Variants in PARL observed in about 807,000 individuals in gnomAD.
The protein encoded by PARL is presenilin associated rhomboid like.
Under a neutral mutation model 51.6 loss-of-function variants are expected in PARL, and 44 were observed. The observed-to-expected ratio is 0.85, with a 90% CI of 0.67 to 1.10. The LOEUF is 1.10. Among genes scored for constraint, PARL ranks in the 50% least tolerant of loss-of-function variants. The pLI, the probability that PARL is intolerant of heterozygous loss-of-function variation, is 0.00. For synonymous variants in PARL, 172 were observed against 164.0 expected (o/e 1.05, Z -0.37); for missense variants, 441 against 469.5 (o/e 0.94, Z 0.56).
rs1342898958 is a variant in PARL at position 183,882,414 on chromosome 3, TATAG to T, written c.125+2304_125+2307del. Reference sequence around the variant, plus strand: ...ATATGCACATATACACACACATATATATAGAGAGAGAGAGAGAGAGAAAGAGAGA... The same window carrying T: ...ATATGCACATATACACACACATATATAGAGAGAGAGAGAGAGAAAGAGAGA... On this transcript the variant is annotated intron_variant, in intron 1 of 9. Coordinates refer to ENST00000317096, the MANE Select transcript of PARL (RefSeq NM_018622.7). Among the ~76,000 whole-genome samples, 83 of 137,196 alleles carry T rather than the reference TATAG, an allele frequency of 6.0e-4. 1 individual carries two copies. Among genetic ancestry groups the T allele is most frequent in the African/African-American group, 1.4e-3 (53 of 36,750 alleles). The allele number at this position is 137,196 out of a possible 152,430, so 90.0% of individuals were successfully genotyped here.
intron 8 of PARL, 38 bp downstream of exon 8, chr3:183,833,686 C>T (rs377239187): frequency 1.2e-5 from 18 of 1,464,158 alleles, no homozygotes; most frequent in Non-Finnish European, 1.7e-5. Flanking sequence ...AAAAACATCA[C>T]CACTATCCCC....
chr3:183,837,000 C>T (rs912797255), intron 7 of PARL, among the ~76,000 whole-genome samples: 3 of 152,204 alleles, frequency 2.0e-5, no homozygotes, highest in African/African-American at 4.8e-5. Flanking sequence ...CTCGGCCTCC[C>T]AAAGTGCTGG....
At chr3:183,837,386 A>G (rs1258398634) in intron 7 of PARL, among the ~76,000 whole-genome samples, 4 of 152,208 alleles carry the variant, frequency 2.6e-5, no homozygotes, top group Admixed American at 2.0e-4. Context: ...ATATTTAGAG[A>G]AACGGGTGCC....
intron 9 of PARL, among the ~76,000 whole-genome samples, chr3:183,833,202 A>G (rs1043223585): frequency 6.6e-5 from 10 of 152,198 alleles, no homozygotes; most frequent in African/African-American, 2.2e-4. Flanking sequence ...ACTGGGGGCC[A>G]GGCTGCAGTC....
At chr3:183,826,521 C>T, downstream of PARL, 1 of 758,700 alleles carries the variant, frequency 1.3e-6, no homozygotes, top group Non-Finnish European at 1.6e-6. Context: ...CAAGGTTGTA[C>T]TTGGAAGGTA....
At chr3:183,876,778 G>A (rs1211715259) in intron 1 of PARL, among the ~76,000 whole-genome samples, 3 of 152,104 alleles carry the variant, frequency 2.0e-5, no homozygotes, top group East Asian at 1.9e-4. Context: ...AGATGTCATC[G>A]GGAACACTCA....
In PARL at chr3:183,833,759, T is replaced by C. The variant is rs769401674; in HGVS notation, c.895A>G (p.Ile299Val). ...TKIPEGRLAI[I>V]FLPMFTFTAG... ...GTGAACGTGAACATCGGAAGGAAAA[T>C]AATGGCAAGCCTCCCTTCTGGGATC... Residue 299 changes from isoleucine to valine, a missense_variant, in exon 8 of 10, where the codon ATT (isoleucine) becomes GTT (valine). Coordinates refer to ENST00000317096, the MANE Select transcript of PARL (RefSeq NM_018622.7). 84 of 1,612,994 alleles carry C rather than the reference T, an allele frequency of 5.2e-5. No individual in the cohort carries two copies. Among genetic ancestry groups the C allele is most frequent in the Non-Finnish European group, 7.0e-5 (82 of 1,179,132 alleles).
At chr3:183,854,156 T>C (rs1170417202) in intron 4 of PARL, among the ~76,000 whole-genome samples, 1 of 152,132 alleles carries the variant, frequency 6.6e-6, no homozygotes, top group Non-Finnish European at 1.5e-5. Flanking sequence ...GAGACAGAAT[T>C]GCCTGAACCT....
chr3:183,844,303 C>T lies in PARL; in HGVS notation c.535G>A (p.Val179Ile), dbSNP rs746115321. 1.5e-5 allele frequency: 24 copies of T among 1,603,898 alleles called. No homozygotes were observed. Among genetic ancestry groups the T allele is most frequent in the Admixed American group, 3.3e-5 (2 of 60,006 alleles). Residue 179 changes from valine to isoleucine, a missense_variant, in exon 5 of 10, where the codon GTA (valine) becomes ATA (isoleucine). Coordinates refer to ENST00000317096, the MANE Select transcript of PARL (RefSeq NM_018622.7). ...GAAGGTACTCTCCATAAACAGAATA[C>T]AAGGACATTTGCAGCTATAATACCT... ...VTGIIAANVL[V>I]FCLWRVPSLQ...
chr3:183,880,223 G>C (rs1343258503), intron 1 of PARL, among the ~76,000 whole-genome samples: 1 of 152,130 alleles, frequency 6.6e-6, no homozygotes, highest in African/African-American at 2.4e-5. Flanking sequence ...AAAATGGATG[G>C]GGATGGGAAA....
intron 4 of PARL, among the ~76,000 whole-genome samples, chr3:183,853,323 G>C (rs1303497501): frequency 6.6e-6 from 1 of 152,180 alleles, no homozygotes. Flanking sequence ...AGCACTTTGG[G>C]AGGCTGAGGT....
intron 4 of PARL, among the ~76,000 whole-genome samples, chr3:183,851,233 T>C (rs921287093): frequency 6.6e-6 from 1 of 152,200 alleles, no homozygotes; most frequent in Non-Finnish European, 1.5e-5. Flanking sequence ...CTTTGTGACT[T>C]TGAATTAGGT....
At chr3:183,831,996 A>T (rs1053839302) in intron 9 of PARL, among the ~76,000 whole-genome samples, 30 of 152,190 alleles carry the variant, frequency 2.0e-4, no homozygotes, top group African/African-American at 7.2e-4. Context: ...AGAGCCTTGA[A>T]GTATACATGG....
chr3:183,868,042 T>A lies in PARL; in HGVS notation c.144A>T (p.Gln48His). ...GTGCTTTTCTGAATCCGCATTTTTG[T>A]TGAATAAAGAAGTTAAACCTATGGG... Reference protein sequence around the residue: ...LLGRRFNFFIQQKCGFRKAPR... With the variant: ...LLGRRFNFFIHQKCGFRKAPR... The change falls in exon 2 of 10, where the codon CAA becomes CAT. Residue 48 changes from glutamine to histidine, a missense_variant. Gln to His is a conservative substitution (Grantham distance 24). Transcript: ENST00000317096. 1 of 1,614,104 alleles carries A rather than the reference T, an allele frequency of 6.2e-7. No individual in the cohort carries two copies. The highest frequency in any genetic ancestry group is 8.5e-7 in the Non-Finnish European group (1 of 1,179,956).
At chr3:183,838,267 A>G (rs555494329) in intron 7 of PARL, among the ~76,000 whole-genome samples, 1 of 152,076 alleles carries the variant, frequency 6.6e-6, no homozygotes, top group African/African-American at 2.4e-5. Context: ...GGCTCAAGTG[A>G]TCTTCCTGCC....
intron 4 of PARL, among the ~76,000 whole-genome samples, chr3:183,848,422 T>C (rs1170014432): frequency 6.6e-6 from 1 of 152,124 alleles, no homozygotes; most frequent in East Asian, 1.9e-4. Flanking sequence ...TTTGTATTCT[T>C]AGTAGAGACC....
At chr3:183,860,292 A>G (rs951567151) in intron 4 of PARL, among the ~76,000 whole-genome samples, 1 of 152,218 alleles carries the variant, frequency 6.6e-6, no homozygotes, top group Non-Finnish European at 1.5e-5. Context: ...ACTCTCATAT[A>G]TAGGTAATTG....
At chr3:183,873,472 G>C (rs962989261) in intron 1 of PARL, among the ~76,000 whole-genome samples, 3 of 152,054 alleles carry the variant, frequency 2.0e-5, no homozygotes, top group African/African-American at 7.2e-5. Flanking sequence ...CCAGGAGGCA[G>C]AGGTTGCAGT....
At chr3:183,858,760 T>C (rs1230900017) in intron 4 of PARL, among the ~76,000 whole-genome samples, 2 of 152,056 alleles carry the variant, frequency 1.3e-5, no homozygotes, top group South Asian at 4.1e-4. Flanking sequence ...AGGTGAAATA[T>C]AAAAGCACCA....
Sources: gnomAD v4.1 joint callset for allele counts (sites outside exome capture counted in the v4.1 genomes callset) on GRCh38, gnomAD v4.1.1 for gene constraint, MANE v1.5 for transcripts, NCBI Gene and HGNC (gene_info 2026-07-23, HGNC 2026-07-21) for gene names.